The following DNAJC5 variants were observed in gnomAD, a reference collection of about 807,000 sequenced individuals.
The protein encoded by DNAJC5 is DnaJ heat shock protein family (Hsp40) member C5, also known as dnaJ homolog subfamily C member 5.
Under a neutral mutation model 23.2 loss-of-function variants are expected in DNAJC5, and 1 was observed. The observed-to-expected ratio is 0.04, with a 90% CI of 0.02 to 0.20. DNAJC5 has a LOEUF of 0.20. DNAJC5 is among the 10% of genes least tolerant of loss of function. The pLI is 1.00. For synonymous variants in DNAJC5, 136 were observed against 120.0 expected, an observed-to-expected ratio of 1.13 and a Z score of -0.87; for missense variants, 180 against 267.0, an observed-to-expected ratio of 0.67 and a Z score of 2.27.
At chr20:63,898,572 G>A (rs924412338) in intron 1 of DNAJC5, among the ~76,000 whole-genome samples, 3 of 151,976 alleles carry the variant, frequency 2.0e-5, no homozygotes, top group Non-Finnish European at 2.9e-5. Context: ...GGCCGGGCAC[G>A]GTGGCTCACA....
intron 1 of DNAJC5, among the ~76,000 whole-genome samples, chr20:63,897,609 A>G (rs1337924235): frequency 6.6e-6 from 1 of 152,184 alleles, no homozygotes; most frequent in Non-Finnish European, 1.5e-5. Flanking sequence ...TGCCAGTGGT[A>G]ATAATGCTTT....
rs1185128756 is a variant in DNAJC5, at chr20:63,928,934, C to T, written c.108-378C>T. 2.0e-5 allele frequency among the ~76,000 whole-genome samples: 3 copies of T among 152,212 alleles called. No homozygotes were observed. The highest frequency in any genetic ancestry group is 7.2e-5 in the African/African-American group (3 of 41,452). On this transcript the variant is annotated intron_variant, in intron 2 of 4. Coordinates refer to ENST00000360864, the MANE Select transcript of DNAJC5 (RefSeq NM_025219.3). This position sits in a 1 kb window ranked among gnomAD's most constrained non-coding sequence, Gnocchi z 4.6. ...TAGTCCTCCTCTCGTGTGCTAGCAT[C>T]GTGTAGTTCATAAAACACTTCTTAA...
chr20:63,910,626 G>A (rs2053476558), intron 1 of DNAJC5, among the ~76,000 whole-genome samples: 1 of 151,936 alleles, frequency 6.6e-6, no homozygotes, highest in African/African-American at 2.4e-5. Flanking sequence ...GGGCATGAGT[G>A]TCGTGTTGGA....
At chr20:63,927,532 CT>C (rs1438803463) in intron 1 of DNAJC5, among the ~76,000 whole-genome samples, 5 of 149,436 alleles carry the variant, frequency 3.3e-5, no homozygotes. Context: ...AAGAGCAAAA[CT>C]GTCCCCCCCC....
chr20:63,904,703 C>CT (rs2053435782), intron 1 of DNAJC5, among the ~76,000 whole-genome samples: 1 of 152,226 alleles, frequency 6.6e-6, no homozygotes, highest in African/African-American at 2.4e-5. Context: ...AGCTGGCTGA[C>CT]TGACAGCTGC....
intron 1 of DNAJC5, among the ~76,000 whole-genome samples, chr20:63,902,689 T>TC (rs2053422144): frequency 7.0e-6 from 1 of 142,052 alleles, no homozygotes; most frequent in Non-Finnish European, 1.5e-5. Flanking sequence ...TTTTTTTTTT[T>TC]TTTTGAGACA....
chr20:63,900,988 G>A (rs2053407553), intron 1 of DNAJC5, among the ~76,000 whole-genome samples: 1 of 152,150 alleles, frequency 6.6e-6, no homozygotes. Flanking sequence ...TGTTTGAGAC[G>A]GAGTCTCGCT....
rs2053562401 is a variant in DNAJC5 at position 63,920,613 on chromosome 20, C to T, written c.-11-7722C>T. On this transcript the variant is annotated intron_variant, in intron 1 of 4. Coordinates refer to ENST00000360864, the MANE Select transcript of DNAJC5 (RefSeq NM_025219.3). The surrounding 1 kb of genome is among the most constrained non-coding windows in gnomAD (Gnocchi z 4.6). ...GGCCCTGGGGCTGCTGCCAGCAGAA[C>T]GGACTGGGATACGCTGGATTTGTAA... Among the ~76,000 whole-genome samples, 1 of 152,238 alleles carries T rather than the reference C, an allele frequency of 6.6e-6. No homozygotes were observed. The highest frequency in any genetic ancestry group is 1.9e-4 in the East Asian group (1 of 5,200).
intron 1 of DNAJC5, among the ~76,000 whole-genome samples, chr20:63,896,526 G>C (rs990571401): frequency 3.9e-5 from 6 of 152,148 alleles, no homozygotes; most frequent in African/African-American, 1.2e-4. Context: ...CCCACCCTCA[G>C]ACTGGCCCCT....
chr20:63,912,581 G>A (rs1323039437), intron 1 of DNAJC5, among the ~76,000 whole-genome samples: 1 of 152,132 alleles, frequency 6.6e-6, no homozygotes, highest in Non-Finnish European at 1.5e-5. Flanking sequence ...ACCTGTCTGA[G>A]TATCCTTTGG....
intron 1 of DNAJC5, among the ~76,000 whole-genome samples, chr20:63,906,231 A>T (rs1417093739): frequency 3.3e-5 from 5 of 152,056 alleles, no homozygotes; most frequent in African/African-American, 1.2e-4. Flanking sequence ...TCACACCTGT[A>T]ATCCCACCAC....
In DNAJC5 at chr20:63,924,623, G is replaced by T. The variant is rs574511337; in HGVS notation, c.-11-3712G>T. On this transcript the variant is annotated intron_variant, in intron 1 of 4. Transcript: ENST00000360864. ...AATCGCAGCACTTTGGGAGGCCGAG[G>T]GGGGGATTGACTGAGGCCAGGAGTC... 1.6e-4 allele frequency among the ~76,000 whole-genome samples: 24 copies of T among 152,284 alleles called. No individual in the cohort carries two copies. In the East Asian group the frequency reaches 3.9e-3, roughly 24 times the overall value.
chr20:63,912,994 G>A (rs996383366), intron 1 of DNAJC5, among the ~76,000 whole-genome samples: 6 of 93,348 alleles, frequency 6.4e-5, no homozygotes, highest in African/African-American at 1.4e-4. Context: ...TTTATTTTTC[G>A]TATTTGTATT....
At chr20:63,914,615 C>T (rs1347717118) in intron 1 of DNAJC5, among the ~76,000 whole-genome samples, 1 of 139,852 alleles carries the variant, frequency 7.2e-6, no homozygotes, top group Non-Finnish European at 1.5e-5. Flanking sequence ...CCGTGCCCGG[C>T]CTTTTTTTTT....
In DNAJC5 at chr20:63,931,629, A is replaced by G; in HGVS notation, c.*61A>G. On this transcript the variant is annotated 3_prime_UTR_variant, in exon 5 of 5. Coordinates refer to ENST00000360864, the MANE Select transcript of DNAJC5 (RefSeq NM_025219.3). This position sits in a 1 kb window ranked among gnomAD's most constrained non-coding sequence, Gnocchi z 9.6. The stretch of plus-strand genomic sequence containing the variant: ...GCCTGGCCACGCCAACCTTAGAATC[A>G]TGAACTGTAGTCACAGAGATGGGAA... 2.0e-6 allele frequency: 3 copies of G among 1,466,426 alleles called. No homozygotes were observed. Among genetic ancestry groups the G allele is most frequent in the South Asian group, 2.4e-5 (2 of 82,606 alleles). The allele number at this position is 1,466,426 out of a possible 1,614,324, so 90.8% of individuals were successfully genotyped here.
chr20:63,900,055 A>G (rs1201909058), intron 1 of DNAJC5, among the ~76,000 whole-genome samples: 14 of 151,032 alleles, frequency 9.3e-5, no homozygotes, highest in Non-Finnish European at 1.9e-4. Context: ...CACCCGGCTA[A>G]TTTTTGTATT....
chr20:63,918,928 T>A (rs2053538655), intron 1 of DNAJC5, among the ~76,000 whole-genome samples: 1 of 152,224 alleles, frequency 6.6e-6, no homozygotes, highest in South Asian at 2.1e-4. Context: ...GTATTTCACA[T>A]AATACATAGT....
chr20:63,915,619 C>A (rs1457017970), intron 1 of DNAJC5, among the ~76,000 whole-genome samples: 1 of 152,200 alleles, frequency 6.6e-6, no homozygotes, highest in Non-Finnish European at 1.5e-5. Flanking sequence ...CAGGCAAGCA[C>A]TGGGGAGCCT....
At chr20:63,917,331 T>C (rs1444373321) in intron 1 of DNAJC5, among the ~76,000 whole-genome samples, 1 of 152,058 alleles carries the variant, frequency 6.6e-6, no homozygotes, top group African/African-American at 2.4e-5. Context: ...CTTGGCTCAC[T>C]GCAGCCGCCG....
Sources: allele counts gnomAD v4.1 joint callset (sites outside exome capture counted in the v4.1 genomes callset), GRCh38; gene constraint gnomAD v4.1.1; non-coding constraint Gnocchi (gnomAD v3.1); transcripts MANE v1.5; gene names NCBI Gene and HGNC (gene_info 2026-07-23, HGNC 2026-07-21).